The following EVC variants were observed in gnomAD, a reference collection of about 807,000 sequenced individuals.
The protein encoded by EVC is evC complex member EVC.
A neutral mutation model predicts 118.9 loss-of-function variants in EVC; 116 were observed. The observed-to-expected ratio is 0.98, with a 90% CI of 0.84 to 1.14. The LOEUF is 1.14. EVC is among the 50% of genes most tolerant of loss of function. The pLI, the probability that EVC is intolerant of heterozygous loss-of-function variation, is 0.00. For missense variants in EVC, 1,401 were observed against 1,246.4 expected, an observed-to-expected ratio of 1.12 and a Z score of -1.87; for synonymous variants, 619 against 534.7, an observed-to-expected ratio of 1.16 and a Z score of -2.18.
chr4:5,779,138 A>G (rs1735196704), intron 11 of EVC, among the ~76,000 whole-genome samples: 2 of 151,548 alleles, frequency 1.3e-5, no homozygotes, highest in African/African-American at 2.4e-5. Flanking sequence ...TTTGTCAAAG[A>G]TCAGATAGTT....
the EVC span, chr4:5,828,168 G>A: frequency 1.0e-6 from 1 of 985,284 alleles, no homozygotes; most frequent in Non-Finnish European, 1.2e-6. Flanking sequence ...CCTCCCGTGG[G>A]TGGGCAGGAT....
chr4:5,778,140 C>T (rs1735001750), intron 11 of EVC, among the ~76,000 whole-genome samples: 1 of 151,458 alleles, frequency 6.6e-6, no homozygotes. Context: ...TTTCCAATTT[C>T]ATCCATGTCC....
intron 15 of EVC, 24 bp from the exon 16 acceptor site, chr4:5,801,926 C>T (rs1715066713): frequency 6.2e-7 from 1 of 1,611,424 alleles, no homozygotes; most frequent in South Asian, 1.1e-5. Flanking sequence ...CTCTGCTGTC[C>T]CTGTCCTTCC....
In EVC at chr4:5,756,680, G is replaced by C. The variant is rs1731228115; in HGVS notation, c.1563+318G>C. On this transcript the variant is annotated intron_variant, in intron 11 of 20. Coordinates refer to ENST00000264956, the MANE Select transcript of EVC (RefSeq NM_153717.3). The surrounding 1 kb of genome is among the most constrained non-coding windows in gnomAD (Gnocchi z 4.2). ...TGAGAAATAGGCCCAGGGTTTCTGG[G>C]TGTCATCAGTGTAAAGTGGTGATGA... is the stretch of plus-strand genomic sequence containing the variant. 6.6e-6 allele frequency among the ~76,000 whole-genome samples: 1 copy of C among 152,220 alleles called. No homozygotes were observed. Among genetic ancestry groups the C allele is most frequent in the African/African-American group, 2.4e-5 (1 of 41,458 alleles).
chr4:5,815,815 C>G (rs1463011136), downstream of EVC, among the ~76,000 whole-genome samples: 2 of 152,152 alleles, frequency 1.3e-5, no homozygotes, highest in Non-Finnish European at 2.9e-5. Flanking sequence ...ACACCATTGA[C>G]CGGCCACATG....
intron 11 of EVC, among the ~76,000 whole-genome samples, chr4:5,771,510 C>T (rs185911640): frequency 1.1e-4 from 16 of 152,276 alleles, no homozygotes; most frequent in African/African-American, 1.2e-4. Context: ...TGTAAAGTTC[C>T]GTGCTCAAAG....
At chr4:5,823,391 C>A in the EVC span, among the ~76,000 whole-genome samples, 1 of 152,226 alleles carries the variant, frequency 6.6e-6, no homozygotes, top group South Asian at 2.1e-4. Flanking sequence ...TTTTTCCTTA[C>A]AACCATCTGT....
chr4:5,753,813 C>A lies in EVC; in HGVS notation c.1344C>A (p.Val448=). The change falls in exon 10 of 21, where the codon GTC becomes GTA. Residue 448 remains valine (V), a synonymous_variant. Coordinates refer to ENST00000264956, the MANE Select transcript of EVC (RefSeq NM_153717.3). ...TTGTCCAGCGAGGCAAAGACCTGGT[C>A]ACGGCGTCTCTGGCTCACCAGGTGG... ...REFVQRGKDL[V]TASLAHQVEG... The A allele has an allele frequency of 6.2e-7, 1 of 1,614,140 alleles. No individual in the cohort carries two copies. Among genetic ancestry groups the A allele is most frequent in the South Asian group, 1.1e-5 (1 of 91,064 alleles).
chr4:5,801,868 G>T, intron 15 of EVC, 82 bp from the exon 16 acceptor site: 1 of 1,499,190 alleles, frequency 6.7e-7, no homozygotes, highest in East Asian at 2.3e-5. Context: ...ACCAGGGCAT[G>T]GGGAGGCAGG....
At chr4:5,717,619 C>A (rs941276811) in intron 1 of EVC, among the ~76,000 whole-genome samples, 2 of 151,848 alleles carry the variant, frequency 1.3e-5, no homozygotes, top group Admixed American at 1.3e-4. Flanking sequence ...ACCCCAAGAC[C>A]CACGACAGAC....
intron 5 of EVC, 54 bp downstream of exon 5, chr4:5,733,489 C>A (rs748795383): frequency 6.8e-7 from 1 of 1,467,868 alleles, no homozygotes. Flanking sequence ...AGCTGGGAGA[C>A]AAGGACTCTG....
chr4:5,820,943 C>G, the EVC span: 1 of 152,180 alleles, frequency 6.6e-6, no homozygotes, highest in African/African-American at 2.4e-5. Flanking sequence ...TCAGAGGGAC[C>G]AGGACTCAGG....
Position 5,813,850 on chromosome 4 carries a change from C to T in EVC, c.*2813C>T, listed in dbSNP as rs1379426100. 1 of 152,256 alleles carries T rather than the reference C, an allele frequency of 6.6e-6. No homozygotes were observed. The highest frequency in any genetic ancestry group is 1.5e-5 in the Non-Finnish European group (1 of 68,044). The allele number at this position is 152,256 out of a possible 1,614,324, so 9.4% of individuals were successfully genotyped here. ...CTTGCCGCCCAGCTGTTGTGCTGGG[C>T]ACAGTCTGGGGCACAGGCCTCCATG... On this transcript the variant is annotated 3_prime_UTR_variant, in exon 21 of 21. Transcript: ENST00000264956.
intron 11 of EVC, among the ~76,000 whole-genome samples, chr4:5,775,970 C>G (rs1734663037): frequency 6.6e-6 from 1 of 151,834 alleles, no homozygotes; most frequent in Admixed American, 6.6e-5. Context: ...TTTAGTTTTT[C>G]TTAATATTGC....
chr4:5,810,290 A>T (rs753678469), intron 19 of EVC, 49 bp from the exon 20 acceptor site: 2 of 1,477,876 alleles, frequency 1.4e-6, no homozygotes, highest in Non-Finnish European at 1.9e-6. Flanking sequence ...AGAAGTTGTC[A>T]CTTGTCTAAA....
At chr4:5,725,744 T>A (rs1725706810) in intron 2 of EVC, among the ~76,000 whole-genome samples, 1 of 152,220 alleles carries the variant, frequency 6.6e-6, no homozygotes, top group Non-Finnish European at 1.5e-5. Context: ...CAGTTTTTGC[T>A]TTTGTTGCGG....
At chr4:5,711,939 A>G (rs1723105065) in intron 1 of EVC, among the ~76,000 whole-genome samples, 1 of 152,140 alleles carries the variant, frequency 6.6e-6, no homozygotes, top group African/African-American at 2.4e-5. Context: ...TGCCTCTTCC[A>G]TCCTTGCGGT....
rs907304689 is a variant in EVC at position 5,756,593 on chromosome 4, G to A, written c.1563+231G>A. ...AGGCACCGTCCATTTTTGGGGTGCT[G>A]AGGATTCTTATCTCCACACATCCCT... On this transcript the variant is annotated intron_variant, in intron 11 of 20. Coordinates refer to ENST00000264956, the MANE Select transcript of EVC (RefSeq NM_153717.3). This position sits in a 1 kb window ranked among gnomAD's most constrained non-coding sequence, Gnocchi z 4.2. Among the ~76,000 whole-genome samples, 1 of 152,194 alleles carries A rather than the reference G, an allele frequency of 6.6e-6. No individual in the cohort carries two copies. The highest frequency in any genetic ancestry group is 2.4e-5 in the African/African-American group (1 of 41,458).
rs114755564 is a variant in EVC, at chr4:5,712,813, G to A, written c.174+1259G>A. On this transcript the variant is annotated intron_variant, in intron 1 of 20. Transcript: ENST00000264956. ...AGACACTAAGAGATGCTGGCTTGTTGCATGGAGAGAGAAAGGGAAGTAACA... is the reference window on the plus strand; with the variant it reads ...AGACACTAAGAGATGCTGGCTTGTTACATGGAGAGAGAAAGGGAAGTAACA... 2.1e-3 allele frequency among the ~76,000 whole-genome samples: 313 copies of A among 152,322 alleles called. 2 individuals are homozygous for A. The highest frequency in any genetic ancestry group is 6.9e-3 in the African/African-American group (285 of 41,554).
Sources: gnomAD v4.1 joint callset for allele counts (sites outside exome capture counted in the v4.1 genomes callset) on GRCh38, gnomAD v4.1.1 for gene constraint, Gnocchi (gnomAD v3.1) non-coding constraint, MANE v1.5 for transcripts, NCBI Gene and HGNC (gene_info 2026-07-23, HGNC 2026-07-21) for gene names.